HEPHL1: variants seen among roughly 807,000 people sequenced by gnomAD.
HEPHL1 encodes ferroxidase HEPHL1.
HEPHL1 carries 123 observed loss-of-function variants against 122.0 expected under a neutral mutation model. That is an observed-to-expected ratio of 1.01 (90% CI 0.87 to 1.17). The LOEUF (loss-of-function observed/expected upper bound fraction) is 1.17. HEPHL1 is among the 50% of genes most tolerant of loss of function. HEPHL1 has a pLI of 0.00. For missense variants in HEPHL1, 1,452 were observed against 1,430.5 expected (o/e 1.01, Z -0.24); for synonymous variants, 527 against 508.9 (o/e 1.04, Z -0.48).
rs143803733 is a variant in HEPHL1, at chr11:94,112,082, C to T, written c.*188C>T. ...TATTTATTTATTTTTAAATGGGCTG[C>T]GAATAATCCTCAGGTATAAAACACA... On this transcript the variant is annotated 3_prime_UTR_variant, in exon 20 of 20. Transcript: ENST00000315765. The T allele has an allele frequency of 9.3e-4, 389 of 419,330 alleles. 3 individuals carry two copies. The highest frequency in any genetic ancestry group is 6.8e-3 in the African/African-American group (333 of 49,020). The allele number at this position is 419,330 out of a possible 1,614,324, so 26.0% of individuals were successfully genotyped here.
At chr11:94,077,520 G>A (rs1946135817) in intron 9 of HEPHL1, among the ~76,000 whole-genome samples, 1 of 152,070 alleles carries the variant, frequency 6.6e-6, no homozygotes, top group African/African-American at 2.4e-5. Context: ...TTTATCCTTT[G>A]TGTTACAAAT....
At chr11:94,065,536 T>C (rs562879225) in intron 4 of HEPHL1, among the ~76,000 whole-genome samples, 1 of 152,294 alleles carries the variant, frequency 6.6e-6, no homozygotes, top group East Asian at 1.9e-4. Context: ...GCATGCCTTC[T>C]TTTTTCCTTC....
chr11:94,099,394 C>T (rs1358171167), intron 13 of HEPHL1, among the ~76,000 whole-genome samples: 1 of 152,200 alleles, frequency 6.6e-6, no homozygotes, highest in Admixed American at 6.5e-5. Flanking sequence ...AGAGGGGTGC[C>T]TGGCCGTGTG....
At position 94,098,950 on chromosome 11, in the gene HEPHL1, G is replaced by A. The variant is rs565905173; in HGVS notation, c.2435-2245G>A. On this transcript the variant is annotated intron_variant, in intron 13 of 19. Transcript: ENST00000315765. ...TCAAGGTTTTTAGCTTCTTTGCGATGGGTTCGAACATCCTCCTTTAGCTTG... is the reference window on the plus strand; with the variant it reads ...TCAAGGTTTTTAGCTTCTTTGCGATAGGTTCGAACATCCTCCTTTAGCTTG... Among the ~76,000 whole-genome samples, 7 of 152,228 alleles carry A rather than the reference G, an allele frequency of 4.6e-5. No individual in the cohort carries two copies. In the East Asian group the frequency reaches 1.4e-3, roughly 29 times the overall value.
At chr11:94,029,976 T>C (rs2134404060) in intron 1 of HEPHL1, among the ~76,000 whole-genome samples, 1 of 152,266 alleles carries the variant, frequency 6.6e-6, no homozygotes, top group Admixed American at 6.5e-5. Context: ...AGTACATATG[T>C]GAAGATGTGA....
At chr11:94,027,046 C>T (rs367933012) in intron 1 of HEPHL1, among the ~76,000 whole-genome samples, 19 of 152,276 alleles carry the variant, frequency 1.2e-4, no homozygotes, top group African/African-American at 4.6e-4. Context: ...GCCACAATGC[C>T]TCTGGAGGTT....
chr11:94,055,733 C>T (rs1252496433), intron 2 of HEPHL1: 3 of 380,390 alleles, frequency 7.9e-6, no homozygotes, highest in East Asian at 1.3e-4. Context: ...TCTTCACTAC[C>T]AGTGATGACT....
At chr11:94,035,812 C>T (rs1755240731) in intron 1 of HEPHL1, among the ~76,000 whole-genome samples, 1 of 152,218 alleles carries the variant, frequency 6.6e-6, no homozygotes, top group Non-Finnish European at 1.5e-5. Flanking sequence ...TCTCGGCTCA[C>T]TGCAAGCTCC....
intron 12 of HEPHL1, among the ~76,000 whole-genome samples, chr11:94,091,041 A>G (rs954466691): frequency 6.6e-6 from 1 of 152,208 alleles, no homozygotes; most frequent in East Asian, 1.9e-4. Flanking sequence ...TTGTATTCCT[A>G]GTACTCCTGA....
At chr11:94,057,694 T>A (rs562341521) in intron 2 of HEPHL1, among the ~76,000 whole-genome samples, 2 of 152,284 alleles carry the variant, frequency 1.3e-5, no homozygotes, top group South Asian at 4.1e-4. Context: ...TACACATAAT[T>A]CCTTTTAGTT....
intron 9 of HEPHL1, among the ~76,000 whole-genome samples, chr11:94,075,597 A>C (rs142060551): frequency 6.6e-6 from 1 of 152,244 alleles, no homozygotes; most frequent in African/African-American, 2.4e-5. Flanking sequence ...AGGAACCTAG[A>C]ATCTCTGCTT....
chr11:94,101,688 C>T (rs768455073), intron 14 of HEPHL1, among the ~76,000 whole-genome samples: 8 of 152,140 alleles, frequency 5.3e-5, no homozygotes, highest in Non-Finnish European at 1.2e-4. Context: ...TGCACAACAA[C>T]ATGTATCCAC....
chr11:94,102,117 T>G (rs2134452132), intron 14 of HEPHL1, among the ~76,000 whole-genome samples: 1 of 152,248 alleles, frequency 6.6e-6, no homozygotes, highest in South Asian at 2.1e-4. Flanking sequence ...CTGTCTGTGG[T>G]TTCAAGCATC....
intron 1 of HEPHL1, among the ~76,000 whole-genome samples, chr11:94,033,255 G>T (rs1945691944): frequency 6.6e-6 from 1 of 152,142 alleles, no homozygotes; most frequent in Non-Finnish European, 1.5e-5. Flanking sequence ...TCTTTCTTCT[G>T]AGGAGGCAGG....
At chr11:94,084,565 T>C (rs1198137545) in intron 10 of HEPHL1, among the ~76,000 whole-genome samples, 1 of 152,084 alleles carries the variant, frequency 6.6e-6, no homozygotes, top group Non-Finnish European at 1.5e-5. Context: ...GTTGTGTTTA[T>C]TATATAGTCT....
chr11:94,087,199 C>CT lies in HEPHL1; in HGVS notation c.2080+1020dup, dbSNP rs761028045. Among the ~76,000 whole-genome samples the CT allele has an allele frequency of 1.2e-3, 180 of 149,302 alleles. 1 individual carries two copies. In the East Asian group the frequency reaches 0.02, roughly 17 times the overall value. On this transcript the variant is annotated intron_variant, in intron 11 of 19. Transcript: ENST00000315765. ...AAATCAAGAGATGCCTTGGACACAA[C>CT]TTTTTTTTTTAATACGCTCTTCAAG... is the stretch of plus-strand genomic sequence containing the variant.
intron 1 of HEPHL1, among the ~76,000 whole-genome samples, chr11:94,044,974 T>A (rs1177908750): frequency 6.6e-6 from 1 of 152,112 alleles, no homozygotes; most frequent in Non-Finnish European, 1.5e-5. Context: ...GGCATGATCA[T>A]GGCTCACTGC....
intron 2 of HEPHL1, among the ~76,000 whole-genome samples, chr11:94,059,293 G>T (rs1945964569): frequency 6.6e-6 from 1 of 152,108 alleles, no homozygotes; most frequent in Non-Finnish European, 1.5e-5. Flanking sequence ...GTTCAGTGCT[G>T]ATAATTATTT....
intron 6 of HEPHL1, among the ~76,000 whole-genome samples, chr11:94,071,301 T>C (rs1946071756): frequency 6.6e-6 from 1 of 151,066 alleles, no homozygotes; most frequent in African/African-American, 2.4e-5. Context: ...TTGTGATCAA[T>C]AAAACATCAT....
Sources: gnomAD v4.1 joint callset for allele counts (sites outside exome capture counted in the v4.1 genomes callset) on GRCh38, gnomAD v4.1.1 for gene constraint, MANE v1.5 for transcripts, NCBI Gene and HGNC (gene_info 2026-07-23, HGNC 2026-07-21) for gene names.